Variants in DMXL1 observed in about 807,000 individuals in gnomAD.
DMXL1 encodes the protein dmX-like protein 1.
Under a neutral mutation model 319.2 loss-of-function variants are expected in DMXL1, and 99 were observed. The ratio of observed to expected loss-of-function variants is 0.31; its 90% CI spans 0.26 to 0.37. The LOEUF is 0.37. Ranked by LOEUF, DMXL1 falls within the 10% of genes least tolerant of loss-of-function variation. The pLI is 1.00. For synonymous variants in DMXL1, 1,385 were observed against 1,235.2 expected (o/e 1.12, Z -2.54); for missense variants, 3,745 against 3,595.6 (o/e 1.04, Z -1.06).
intron 1 of DMXL1, among the ~76,000 whole-genome samples, chr5:119,074,463 T>TA (rs1750362010): frequency 1.3e-5 from 2 of 152,344 alleles, no homozygotes; most frequent in Admixed American, 6.5e-5. Flanking sequence ...GCAGATAACT[T>TA]ACGTGTTCTT....
At chr5:119,212,177 C>G (rs1340126458) in intron 34 of DMXL1, among the ~76,000 whole-genome samples, 1 of 152,200 alleles carries the variant, frequency 6.6e-6, no homozygotes, top group African/African-American at 2.4e-5. Context: ...CCTCTCCAAA[C>G]TGAAACTTTG....
chr5:119,167,600 A>C lies in DMXL1; in HGVS notation c.5137-3A>C. The C allele has an allele frequency of 6.4e-7, 1 of 1,559,708 alleles. No homozygotes were observed. Among genetic ancestry groups the C allele is most frequent in the Non-Finnish European group, 8.7e-7 (1 of 1,154,942 alleles). On this transcript the variant is annotated splice_polypyrimidine_tract_variant and splice_region_variant and intron_variant, in intron 22 of 43. Transcript: ENST00000539542. Reference sequence around the variant, plus strand: ...TATTTAAAAACAATATTTTTTTTTAAAGGTATGTCTTGAGAAATTGAATGA... The same window carrying C: ...TATTTAAAAACAATATTTTTTTTTACAGGTATGTCTTGAGAAATTGAATGA...
rs183685690 is a variant in DMXL1, at chr5:119,172,830, C to G, written c.6681+861C>G. Among the ~76,000 whole-genome samples, 677 of 152,164 alleles carry G rather than the reference C, an allele frequency of 4.4e-3. 1 individual carries two copies. Among genetic ancestry groups the G allele is most frequent in the South Asian group, 8.1e-3 (39 of 4,818 alleles). On this transcript the variant is annotated intron_variant, in intron 25 of 43. Transcript: ENST00000539542. ...TTCTGTTTTCCTGATGGTGGACTGT[C>G]CTACAATTTTACCCTCTTTAGTTAC...
At chr5:119,166,099 G>A (rs1773384338) in intron 21 of DMXL1, among the ~76,000 whole-genome samples, 1 of 152,190 alleles carries the variant, frequency 6.6e-6, no homozygotes, top group Admixed American at 6.5e-5. Flanking sequence ...CAAGACTGGT[G>A]AACATGATTA....
chr5:119,072,360 G>A (rs942714933), intron 1 of DMXL1, among the ~76,000 whole-genome samples: 8 of 150,858 alleles, frequency 5.3e-5, no homozygotes, highest in Admixed American at 3.3e-4. Flanking sequence ...TTAACTATAG[G>A]TTTTTTTTTA....
chr5:119,071,772 C>A, intron 1 of DMXL1, 116 bp downstream of exon 1: 1 of 923,604 alleles, frequency 1.1e-6, no homozygotes, highest in Non-Finnish European at 1.6e-6. Context: ...CAGGGGGGTC[C>A]TTACCACCCA....
chr5:119,114,538 G>A lies in DMXL1; in HGVS notation c.561G>A (p.Gly187=). ...SPDGEFFATA[G]KDDCLLKVWY... ...ATGGAGAATTTTTTGCCACTGCTGG[G>A]AAGGTAAATTGTGAAAATGCTATTG... The change falls in exon 6 of 44, where the codon GGG becomes GGA. Residue 187 remains glycine, a synonymous_variant. Coordinates refer to ENST00000539542, the MANE Select transcript of DMXL1 (RefSeq NM_001290321.3). 6.2e-7 allele frequency: 1 copy of A among 1,605,094 alleles called. No individual in the cohort carries two copies. The highest frequency in any genetic ancestry group is 8.5e-7 in the Non-Finnish European group (1 of 1,176,440).
chr5:119,071,697 T>G (rs375402198), intron 1 of DMXL1, 41 bp downstream of exon 1: 4 of 1,536,264 alleles, frequency 2.6e-6, no homozygotes, highest in Non-Finnish European at 3.5e-6. Flanking sequence ...GGCCCGGCCT[T>G]TGCCCGTCAT....
intron 1 of DMXL1, among the ~76,000 whole-genome samples, chr5:119,092,682 A>G (rs993352091): frequency 2.0e-5 from 3 of 152,148 alleles, no homozygotes; most frequent in Admixed American, 1.3e-4. Flanking sequence ...GGCAGCTGCT[A>G]TCTTACAGCC....
chr5:119,242,561 C>T (rs1216418882), intron 42 of DMXL1, among the ~76,000 whole-genome samples: 1 of 152,178 alleles, frequency 6.6e-6, no homozygotes, highest in Non-Finnish European at 1.5e-5. Flanking sequence ...AGATTCAACA[C>T]AATCCTAATC....
intron 25 of DMXL1, among the ~76,000 whole-genome samples, chr5:119,174,885 G>A (rs1294880835): frequency 6.6e-6 from 1 of 152,198 alleles, no homozygotes; most frequent in African/African-American, 2.4e-5. Context: ...TTGGTGAACT[G>A]TCAGTTATCA....
chr5:119,188,575 C>T (rs934989108), intron 28 of DMXL1, among the ~76,000 whole-genome samples: 4 of 152,138 alleles, frequency 2.6e-5, no homozygotes, highest in Non-Finnish European at 5.9e-5. Flanking sequence ...TTAATGTATG[C>T]AGCAGTAATA....
In DMXL1 at chr5:119,133,685, T is replaced by C. The variant is rs1765409640; in HGVS notation, c.1761T>C (p.Ser587=). The C allele has an allele frequency of 2.5e-6, 4 of 1,614,090 alleles. No individual in the cohort carries two copies. Among genetic ancestry groups the C allele is most frequent in the Non-Finnish European group, 3.4e-6 (4 of 1,180,032 alleles). ...CTGGTCACAATAAATCATCTAATAG[T>C]TTAAAATTAAGTATTTTTACGCCTA... ...ISSGHNKSSN[S]LKLSIFTPNV... Residue 587 remains serine (S), a synonymous_variant, in exon 12 of 44, where the codon AGT becomes AGC. Coordinates refer to ENST00000539542, the MANE Select transcript of DMXL1 (RefSeq NM_001290321.3).
At chr5:119,243,469 C>G (rs567412052) in intron 42 of DMXL1, among the ~76,000 whole-genome samples, 1 of 152,080 alleles carries the variant, frequency 6.6e-6, no homozygotes, top group South Asian at 2.1e-4. Flanking sequence ...CCTCACTGTT[C>G]ATTATGCAAT....
intron 28 of DMXL1, chr5:119,178,588 T>C: frequency 1.0e-6 from 1 of 985,234 alleles, no homozygotes; most frequent in Non-Finnish European, 1.2e-6. Context: ...GGCACTTTGC[T>C]ATGCCTAGCC....
At chr5:119,164,019 A>G (rs80065988) in intron 19 of DMXL1, among the ~76,000 whole-genome samples, 4,215 of 152,142 alleles carry the variant, frequency 0.028, 182 homozygotes, top group African/African-American at 0.096. Flanking sequence ...CTAGAGCTGG[A>G]ATTTAACATA....
At chr5:119,091,002 AT>A (rs1754676913) in intron 1 of DMXL1, among the ~76,000 whole-genome samples, 1 of 151,932 alleles carries the variant, frequency 6.6e-6, no homozygotes, top group African/African-American at 2.4e-5. Context: ...TTTCTGTTTG[AT>A]TTTTTAAAAA....
At position 119,101,232 on chromosome 5, in the gene DMXL1, A is replaced by G. The variant is rs562165165; in HGVS notation, c.214-703A>G. 5.0e-4 allele frequency among the ~76,000 whole-genome samples: 76 copies of G among 152,308 alleles called. 2 individuals carry two copies. The South Asian group carries it at 0.016, about 31-fold the overall frequency. On this transcript the variant is annotated intron_variant, in intron 2 of 43. Transcript: ENST00000539542. ...ATATCCTAAGAATTCAGAAGCCTTA[A>G]AATATCCATTCACAGTTTTTTCTCC...
At chr5:119,083,095 C>T (rs1580587459) in intron 1 of DMXL1, among the ~76,000 whole-genome samples, 1 of 152,328 alleles carries the variant, frequency 6.6e-6, no homozygotes, top group East Asian at 1.9e-4. Flanking sequence ...ACTGCAACCT[C>T]TGCTTCCCAG....
Sources: allele counts gnomAD v4.1 joint callset (sites outside exome capture counted in the v4.1 genomes callset), GRCh38; gene constraint gnomAD v4.1.1; transcripts MANE v1.5; gene names NCBI Gene and HGNC (gene_info 2026-07-23, HGNC 2026-07-21).